Variants in BORA observed in about 807,000 individuals in gnomAD.
The protein encoded by BORA is BORA aurora kinase A activator.
A neutral mutation model predicts 55.8 loss-of-function variants in BORA; 26 were observed. That is an observed-to-expected ratio of 0.47 (90% CI 0.34 to 0.65). The LOEUF (loss-of-function observed/expected upper bound fraction) is 0.65. Ranked by LOEUF, BORA falls within the 30% of genes least tolerant of loss-of-function variation. The pLI, the probability that BORA is intolerant of heterozygous loss-of-function variation, is 0.01. For synonymous variants in BORA, 201 were observed against 216.9 expected, an observed-to-expected ratio of 0.93 and a Z score of 0.64; for missense variants, 568 against 671.5, an observed-to-expected ratio of 0.85 and a Z score of 1.70.
At chr13:72,732,334 G>A (rs2032836238) in intron 3 of BORA, among the ~76,000 whole-genome samples, 2 of 152,098 alleles carry the variant, frequency 1.3e-5, no homozygotes, top group Non-Finnish European at 2.9e-5. Flanking sequence ...AATAGGAAGG[G>A]AATAGAATGA....
chr13:72,728,262 T>C (rs931161886), intron 1 of BORA: 15 of 683,394 alleles, frequency 2.2e-5, no homozygotes, highest in Admixed American at 2.1e-4. Context: ...CCCGCCAAGG[T>C]GTAGCCTCTG....
rs1198668315 is a variant in BORA at position 72,753,834 on chromosome 13, T to G, written c.1614+13T>G. ...ATTTAATATGAAGGTACGGAGAAAA[T>G]ATAGTGAAAGCTTAATATTGTTTAG... On this transcript the variant is annotated intron_variant, in intron 11 of 11. Transcript: ENST00000390667. 6.9e-6 allele frequency: 11 copies of G among 1,603,996 alleles called. No homozygotes were observed. In the African/African-American group the frequency reaches 1.5e-4, roughly 21 times the overall value.
At chr13:72,747,434 C>G (rs2033173510) in intron 10 of BORA, among the ~76,000 whole-genome samples, 2 of 152,050 alleles carry the variant, frequency 1.3e-5, no homozygotes, top group East Asian at 3.9e-4. Flanking sequence ...TGGATCCAGT[C>G]CCCCAAAACA....
rs2033135088 is a variant in BORA at position 72,746,093 on chromosome 13, AAT to A, written c.871+19_871+20del. On this transcript the variant is annotated intron_variant, in intron 9 of 11. Coordinates refer to ENST00000390667, the MANE Select transcript of BORA (RefSeq NM_024808.5). ...CACTCTCAGGTATGTCTCATAATAA[AAT>A]ACCTAGTTAAAAGTTTTATACTATC... is the stretch of plus-strand genomic sequence containing the variant. The A allele has an allele frequency of 6.3e-7, 1 of 1,590,716 alleles. No homozygotes were observed. The highest frequency in any genetic ancestry group is 1.7e-4 in the Middle Eastern group (1 of 5,976).
At position 72,755,802 on chromosome 13, in the gene BORA, T is replaced by G. The variant is rs2033448414; in HGVS notation, c.*586T>G. 1 of 398,388 alleles carries G rather than the reference T, an allele frequency of 2.5e-6. No individual in the cohort carries two copies. The highest frequency in any genetic ancestry group is 4.4e-5 in the Admixed American group (1 of 22,704). 24.7% of individuals were successfully genotyped at this position (398,388 alleles called of 1,614,324 possible). ...TTACTACTTTTAAGTATGTAAATACTAGAAAGGTAGTACTAGTGACATCAT... is the reference window on the plus strand; with the variant it reads ...TTACTACTTTTAAGTATGTAAATACGAGAAAGGTAGTACTAGTGACATCAT... On this transcript the variant is annotated 3_prime_UTR_variant, in exon 12 of 12. Transcript: ENST00000390667.
chr13:72,744,188 T>C (rs1385537328), intron 6 of BORA, among the ~76,000 whole-genome samples: 1 of 152,228 alleles, frequency 6.6e-6, no homozygotes, highest in Non-Finnish European at 1.5e-5. Context: ...TTTCTGGTCT[T>C]GGAAAGCATT....
chr13:72,753,914 T>C, intron 11 of BORA, 93 bp downstream of exon 11: 5 of 1,247,668 alleles, frequency 4.0e-6, no homozygotes, highest in Non-Finnish European at 5.5e-6. Context: ...TGAGAAACTA[T>C]ATGAAATTTA....
chr13:72,741,305 T>C (rs1475573498), intron 5 of BORA, among the ~76,000 whole-genome samples: 1 of 152,250 alleles, frequency 6.6e-6, no homozygotes, highest in African/African-American at 2.4e-5. Flanking sequence ...CCCTTGGCAT[T>C]ATCCAGCTTT....
chr13:72,737,218 G>C (rs925765534), intron 4 of BORA, among the ~76,000 whole-genome samples: 2 of 152,148 alleles, frequency 1.3e-5, no homozygotes, highest in African/African-American at 4.8e-5. Flanking sequence ...TTAACAACTT[G>C]CTCTCTGGTC....
intron 10 of BORA, chr13:72,753,460 G>A (rs1022393883): frequency 2.7e-6 from 1 of 364,478 alleles, no homozygotes; most frequent in African/African-American, 2.1e-5. Context: ...TCTTAAGGAA[G>A]TTACAAGATA....
intron 2 of BORA, 48 bp from the exon 3 acceptor site, chr13:72,731,233 A>C (rs777504091): frequency 9.2e-7 from 1 of 1,087,350 alleles, no homozygotes; most frequent in Non-Finnish European, 1.4e-6. Context: ...CATTTTGATG[A>C]ACTATTTTAG....
chr13:72,736,924 G>A (rs1349753884), intron 4 of BORA, among the ~76,000 whole-genome samples: 5 of 141,288 alleles, frequency 3.5e-5, no homozygotes, highest in African/African-American at 5.3e-5. Flanking sequence ...CACTTTGTAA[G>A]TTTATAGGTC....
At chr13:72,731,098 C>T (rs2032805823) in intron 2 of BORA, among the ~76,000 whole-genome samples, 183 bp from the exon 3 acceptor site, 1 of 151,948 alleles carries the variant, frequency 6.6e-6, no homozygotes, top group African/African-American at 2.4e-5. Flanking sequence ...ACAATTAAGT[C>T]AGTTGATCGA....
intron 3 of BORA, 94 bp downstream of exon 3, chr13:72,731,481 T>TATCA: frequency 2.2e-6 from 2 of 922,428 alleles, no homozygotes; most frequent in Non-Finnish European, 3.3e-6. Context: ...TATGTAAAGG[T>TATCA]ATCAGGGAGA....
intron 4 of BORA, among the ~76,000 whole-genome samples, chr13:72,735,459 T>C (rs2032902639): frequency 6.6e-6 from 1 of 152,194 alleles, no homozygotes; most frequent in African/African-American, 2.4e-5. Flanking sequence ...CTTTGGATTT[T>C]TAAGATATTC....
rs1420179178 is a variant in BORA at position 72,742,790 on chromosome 13, AC to A, written c.389-746del. On this transcript the variant is annotated intron_variant, in intron 5 of 11. Transcript: ENST00000390667. The stretch of plus-strand genomic sequence containing the variant: ...TATACACACACACACACACACACAC[AC>A]ACACACACACACACACACACAAAAT... 9.5e-4 allele frequency among the ~76,000 whole-genome samples: 142 copies of A among 149,408 alleles called. No homozygotes were observed. The Middle Eastern group carries it at 0.017, about 18-fold the overall frequency.
At chr13:72,743,709 C>CT (rs34245891) in intron 6 of BORA, 107 bp downstream of exon 6, 172,428 of 596,686 alleles carry the variant, frequency 0.29, 8,770 homozygotes, top group East Asian at 0.44. Context: ...AAATTGTTTC[C>CT]TTTTTTTTTT....
chr13:72,753,516 A>C (rs1224203100), intron 10 of BORA, 174 bp from the exon 11 acceptor site: 6 of 614,314 alleles, frequency 9.8e-6, no homozygotes, highest in African/African-American at 1.9e-5. Context: ...AATCAGTACT[A>C]TGCAGGACTA....
At chr13:72,754,076 A>G in intron 11 of BORA, 1 of 324,064 alleles carries the variant, frequency 3.1e-6, no homozygotes, top group East Asian at 6.2e-5. Context: ...GGTGGTGGTT[A>G]TATATTCATA....
Sources: allele counts gnomAD v4.1 joint callset (sites outside exome capture counted in the v4.1 genomes callset), GRCh38; gene constraint gnomAD v4.1.1; transcripts MANE v1.5; gene names NCBI Gene and HGNC (gene_info 2026-07-23, HGNC 2026-07-21).